PCBP3: variants seen among roughly 807,000 people sequenced by gnomAD.
PCBP3 encodes poly(rC)-binding protein 3.
In PCBP3, 25 loss-of-function variants were observed where a neutral mutation model predicts 52.7. The ratio of observed to expected loss-of-function variants is 0.47; its 90% CI spans 0.35 to 0.66. The LOEUF (loss-of-function observed/expected upper bound fraction) is 0.66. Ranked by LOEUF, PCBP3 falls within the 30% of genes least tolerant of loss-of-function variation. The pLI is 0.01. For missense variants in PCBP3, 391 were observed against 490.3 expected, an observed-to-expected ratio of 0.80 and a Z score of 1.91; for synonymous variants, 162 against 183.0, an observed-to-expected ratio of 0.89 and a Z score of 0.93.
chr21:45,930,884 C>A, intron 15 of PCBP3, 39 bp downstream of exon 15: 1 of 1,611,072 alleles, frequency 6.2e-7, no homozygotes, highest in Non-Finnish European at 8.5e-7. Context: ...CAGGCCAGGG[C>A]AGCAGAGCAG....
In PCBP3 at chr21:45,729,607, T is replaced by C. The variant is rs193122712; in HGVS notation, c.-199-5785T>C. Reference sequence around the variant, plus strand: ...CATTCTGGTGTGAAGTGGTATCACATTGTGGTTTGACCTAATTGTCTTCAT... The same window carrying C: ...CATTCTGGTGTGAAGTGGTATCACACTGTGGTTTGACCTAATTGTCTTCAT... On this transcript the variant is annotated intron_variant, in intron 2 of 17. Coordinates refer to ENST00000681687, the MANE Select transcript of PCBP3 (RefSeq NM_001384156.1). Among the ~76,000 whole-genome samples the C allele has an allele frequency of 3.0e-3, 451 of 152,294 alleles. 1 individual carries two copies. Among genetic ancestry groups the C allele is most frequent in the African/African-American group, 1.0e-2 (415 of 41,558 alleles).
chr21:45,924,706 GAGTGGATAGAAA>G (rs2075105979), intron 13 of PCBP3, among the ~76,000 whole-genome samples: 1 of 56,916 alleles, frequency 1.8e-5, no homozygotes, highest in African/African-American at 1.7e-4. Flanking sequence ...GGGAACAGTC[GAGTGGATAGAAA>G]CAGCACACGT....
intron 4 of PCBP3, among the ~76,000 whole-genome samples, chr21:45,787,426 T>A (rs539279808): frequency 5.3e-5 from 8 of 151,664 alleles, no homozygotes; most frequent in East Asian, 1.9e-4. Context: ...TTTTTTTTTT[T>A]AAATAGAGAC....
At chr21:45,851,344 C>T (rs910090622) in intron 5 of PCBP3, among the ~76,000 whole-genome samples, 3 of 152,192 alleles carry the variant, frequency 2.0e-5, no homozygotes, top group Non-Finnish European at 2.9e-5. Context: ...GAAACCCTGT[C>T]TCTACTAAAA....
At chr21:45,693,835 C>T (rs775009709) in intron 2 of PCBP3, among the ~76,000 whole-genome samples, 1 of 151,966 alleles carries the variant, frequency 6.6e-6, no homozygotes. Flanking sequence ...CAAATGGAAG[C>T]ATAGAAGAAA....
At chr21:45,868,026 G>T (rs1603458730) in intron 5 of PCBP3, among the ~76,000 whole-genome samples, 1 of 152,272 alleles carries the variant, frequency 6.6e-6, no homozygotes, top group Admixed American at 6.5e-5. Flanking sequence ...CAGCCAGGGG[G>T]TCTGGCACCT....
chr21:45,898,352 A>ACACAGCCTCCCTCTACACACCG (rs2095891236), intron 6 of PCBP3, among the ~76,000 whole-genome samples: 2 of 40,188 alleles, frequency 5.0e-5, no homozygotes, highest in Non-Finnish European at 9.2e-5. Flanking sequence ...TCTGCACACC[A>ACACAGCCTCCCTCTACACACCG]TCCTCATGGT....
At position 45,738,614 on chromosome 21, in the gene PCBP3, A is replaced by T. The variant is rs189023456; in HGVS notation, c.-162+3185A>T. 2.2e-3 allele frequency among the ~76,000 whole-genome samples: 334 copies of T among 152,302 alleles called. 2 individuals are homozygous for T. The highest frequency in any genetic ancestry group is 7.5e-3 in the African/African-American group (312 of 41,548). On this transcript the variant is annotated intron_variant, in intron 3 of 17. Coordinates refer to ENST00000681687, the MANE Select transcript of PCBP3 (RefSeq NM_001384156.1). ...CTTATAGAACTGAAAAATATGAAAA[A>T]CAATTTAAAAATTCACCTATGCTTA...
chr21:45,909,480 C>T lies in PCBP3; in HGVS notation c.465C>T (p.Ile155=), dbSNP rs1404753356. The T allele has an allele frequency of 6.2e-7, 1 of 1,612,764 alleles. No homozygotes were observed. Among genetic ancestry groups the T allele is most frequent in the Non-Finnish European group, 8.5e-7 (1 of 1,179,562 alleles). ...AAGGAGGCTCCAAGATCAAGGAGATCAGGGAGGTAACAGGACCTTCCCAGC... is the reference window on the plus strand; with the variant it reads ...AAGGAGGCTCCAAGATCAAGGAGATTAGGGAGGTAACAGGACCTTCCCAGC... The part of the protein sequence containing the change: ...IGKGGSKIKE[I]RESTGAQVQV... Residue 155 remains isoleucine (I), a synonymous_variant, in exon 10 of 18, where the codon ATC becomes ATT. Transcript: ENST00000681687.
chr21:45,647,751 TGGA>T (rs1179362391), intron 1 of PCBP3, among the ~76,000 whole-genome samples: 3 of 151,932 alleles, frequency 2.0e-5, no homozygotes, highest in Non-Finnish European at 4.4e-5. Context: ...GGGGTGAAAG[TGGA>T]GGAGGAGTTG....
intron 11 of PCBP3, among the ~76,000 whole-genome samples, chr21:45,913,283 A>C (rs193234100): frequency 1.3e-5 from 2 of 152,396 alleles, no homozygotes; most frequent in Admixed American, 1.3e-4. Context: ...TCTGGAGTCT[A>C]TAAGCACTTT....
chr21:45,913,500 C>T (rs779173234), intron 11 of PCBP3, among the ~76,000 whole-genome samples: 3 of 152,168 alleles, frequency 2.0e-5, no homozygotes, highest in South Asian at 4.1e-4. Context: ...CAGGGCCCTG[C>T]GCATCCCAGG....
intron 5 of PCBP3, among the ~76,000 whole-genome samples, chr21:45,868,288 G>A (rs1355774870): frequency 6.6e-6 from 1 of 152,226 alleles, no homozygotes; most frequent in Non-Finnish European, 1.5e-5. Context: ...TCCTCTGTCT[G>A]CGCGGTTTTC....
intron 8 of PCBP3, 124 bp from the exon 9 acceptor site, chr21:45,900,873 T>G (rs2149099244): frequency 2.7e-6 from 2 of 751,732 alleles, no homozygotes; most frequent in Non-Finnish European, 4.8e-6. Flanking sequence ...TTACTGTTCA[T>G]TCATGGTTTC....
rs1000296661 is a variant in PCBP3, at chr21:45,741,250, G to C, written c.-162+5821G>C. 6.6e-6 allele frequency among the ~76,000 whole-genome samples: 1 copy of C among 152,196 alleles called. No homozygotes were observed. The highest frequency in any genetic ancestry group is 2.4e-5 in the African/African-American group (1 of 41,450). ...GGTCGGCCCCATGGCTAGGAGTTTG[G>C]AAAGAAATCAACCTAAGTTCATAGA... On this transcript the variant is annotated intron_variant, in intron 3 of 17. Coordinates refer to ENST00000681687, the MANE Select transcript of PCBP3 (RefSeq NM_001384156.1). The surrounding 1 kb of genome is among the most constrained non-coding windows in gnomAD (Gnocchi z 4.5).
chr21:45,906,067 G>A (rs1467424149), intron 9 of PCBP3, among the ~76,000 whole-genome samples: 2 of 152,164 alleles, frequency 1.3e-5, no homozygotes, highest in South Asian at 2.1e-4. Flanking sequence ...ATGAGGACCT[G>A]GAAAAAGCAG....
Position 45,691,440 on chromosome 21 carries a change from A to G in PCBP3, c.-200+22488A>G, listed in dbSNP as rs138902865. 3.0e-3 allele frequency among the ~76,000 whole-genome samples: 315 copies of G among 103,288 alleles called. 1 individual carries two copies. Among genetic ancestry groups the G allele is most frequent in the African/African-American group, 0.014 (293 of 21,118 alleles). 67.8% of individuals were successfully genotyped at this position (103,288 alleles called of 152,430 possible). A position where few individuals can be genotyped will look rare whatever the true frequency, so the allele number is the denominator to read the frequency against. On this transcript the variant is annotated intron_variant, in intron 2 of 17. Coordinates refer to ENST00000681687, the MANE Select transcript of PCBP3 (RefSeq NM_001384156.1). ...TATATATATAAAATATATATATCAT[A>G]TATATGTATGTATGTATGTGTGTGT... is the stretch of plus-strand genomic sequence containing the variant.
chr21:45,674,681 T>G (rs1201319772), intron 2 of PCBP3, among the ~76,000 whole-genome samples: 1 of 152,170 alleles, frequency 6.6e-6, no homozygotes, highest in East Asian at 1.9e-4. Flanking sequence ...AAGTTTTGGT[T>G]TAATAGTCTT....
Position 45,917,726 on chromosome 21 carries a change from CAAT to C in PCBP3, c.717+102_717+104del. On this transcript the variant is annotated intron_variant, in intron 13 of 17. Coordinates refer to ENST00000681687, the MANE Select transcript of PCBP3 (RefSeq NM_001384156.1). The surrounding 1 kb of genome is among the most constrained non-coding windows in gnomAD (Gnocchi z 5.3). ...AATTGCTACTAACATTAATATTACA[CAAT>C]AATATTAATCAACTTCTCAGCGTTC... 1 of 959,412 alleles carries C rather than the reference CAAT, an allele frequency of 1.0e-6. No homozygotes were observed. Among genetic ancestry groups the C allele is most frequent in the Non-Finnish European group, 1.7e-6 (1 of 584,950 alleles). The allele number at this position is 959,412 out of a possible 1,614,324, so 59.4% of individuals were successfully genotyped here.
Sources: allele counts gnomAD v4.1 joint callset (sites outside exome capture counted in the v4.1 genomes callset), GRCh38; gene constraint gnomAD v4.1.1; non-coding constraint Gnocchi (gnomAD v3.1); transcripts MANE v1.5; gene names NCBI Gene and HGNC (gene_info 2026-07-23, HGNC 2026-07-21).